WNT2B: variants seen among roughly 807,000 people sequenced by gnomAD.
WNT2B encodes the protein Wnt family member 2B, also known as protein Wnt-2b.
Under a neutral mutation model 40.5 loss-of-function variants are expected in WNT2B, and 19 were observed. The ratio of observed to expected loss-of-function variants is 0.47; its 90% CI spans 0.33 to 0.69. The LOEUF (loss-of-function observed/expected upper bound fraction) is 0.69, where lower values mean the gene tolerates loss of function less well. WNT2B is among the 30% of genes least tolerant of loss of function. The pLI, the probability that WNT2B is intolerant of heterozygous loss-of-function variation, is 0.02. For synonymous variants in WNT2B, 220 were observed against 211.9 expected (o/e 1.04, Z -0.33); for missense variants, 467 against 556.4 (o/e 0.84, Z 1.62).
chr1:112,504,806 T>A (rs749248055), upstream of WNT2B, among the ~76,000 whole-genome samples: 50 of 151,970 alleles, frequency 3.3e-4, no homozygotes, highest in Non-Finnish European at 4.7e-4. Flanking sequence ...CCTTTCTCTC[T>A]GCTCATTACC....
At chr1:112,507,438 G>C (rs961131178), upstream of WNT2B, among the ~76,000 whole-genome samples, 6 of 152,202 alleles carry the variant, frequency 3.9e-5, no homozygotes, top group African/African-American at 7.2e-5. Context: ...GGGGGTAAAG[G>C]AGTGTCACTG....
rs12401734 is a variant in WNT2B at position 112,529,212 on chromosome 1, T to C, written c.*8703T>C. 0.2 allele frequency: 30,156 copies of C among 152,094 alleles called. 3,374 individuals carry two copies. Among genetic ancestry groups the C allele is most frequent in the Non-Finnish European group, 0.26 (17,790 of 67,982 alleles). The allele number at this position is 152,094 out of a possible 1,614,324, so 9.4% of individuals were successfully genotyped here. ...TGTACACTGAATAAGCCAAAACGTG[T>C]GCCATATTCTAGGTTTCTGCTTTAC... On this transcript the variant is annotated 3_prime_UTR_variant, in exon 5 of 5. Coordinates refer to ENST00000369684, the MANE Select transcript of WNT2B (RefSeq NM_024494.3).
chr1:112,492,208 A>G (rs1376753081), intron 1 of WNT2B, among the ~76,000 whole-genome samples: 1 of 152,264 alleles, frequency 6.6e-6, no homozygotes, highest in Non-Finnish European at 1.5e-5. Context: ...CTTGCAAGTC[A>G]TCGCCCCAGC....
In WNT2B at chr1:112,521,945, T is replaced by G. The variant is rs1652904031; in HGVS notation, c.*1436T>G. On this transcript the variant is annotated 3_prime_UTR_variant, in exon 5 of 5. Transcript: ENST00000369684. The stretch of plus-strand genomic sequence containing the variant: ...AAAATCACAGCTGTGCCATTTGCTT[T>G]GATATTTTGAGCAAGGTAGCTAAAT... 2 of 152,364 alleles carry G rather than the reference T, an allele frequency of 1.3e-5. No individual in the cohort carries two copies. The highest frequency in any genetic ancestry group is 4.8e-5 in the African/African-American group (2 of 41,590). 9.4% of individuals were successfully genotyped at this position (152,364 alleles called of 1,614,324 possible). A position where few individuals can be genotyped will look rare whatever the true frequency, so the allele number is the denominator to read the frequency against.
intron 1 of WNT2B, among the ~76,000 whole-genome samples, chr1:112,501,790 G>A (rs1198779867): frequency 6.6e-6 from 1 of 152,186 alleles, no homozygotes; most frequent in Non-Finnish European, 1.5e-5. Context: ...TGGCTGACCC[G>A]AATCCCCGGT....
At chr1:112,504,784 G>T (rs1652063144), upstream of WNT2B, among the ~76,000 whole-genome samples, 2 of 151,986 alleles carry the variant, frequency 1.3e-5, no homozygotes, top group Non-Finnish European at 2.9e-5. Context: ...CCTCCCCCCA[G>T]CCCCTTCTTG....
Position 112,496,200 on chromosome 1 carries a change from G to C in WNT2B, c.-94-18674G>C, listed in dbSNP as rs535469202. Among the ~76,000 whole-genome samples, 10 of 152,060 alleles carry C rather than the reference G, an allele frequency of 6.6e-5. No homozygotes were observed. The East Asian group carries it at 1.3e-3, about 20-fold the overall frequency. ...GTAATCATAGCTCACTGCAAGCCTC[G>C]ACCTCCTGGGCTCAAGGAATCATCC... is the stretch of plus-strand genomic sequence containing the variant. On this transcript the variant is annotated intron_variant, in intron 1 of 4. Coordinates refer to the WNT2B transcript ENST00000256640.
At chr1:112,478,058 A>G (rs1340686333) in intron 1 of WNT2B, among the ~76,000 whole-genome samples, 2 of 152,162 alleles carry the variant, frequency 1.3e-5, no homozygotes, top group Non-Finnish European at 2.9e-5. Context: ...ACATAGTGAG[A>G]CCTGGTCTGT....
Position 112,523,013 on chromosome 1 carries a change from G to A in WNT2B, c.*2504G>A, listed in dbSNP as rs1652962742. 1 of 152,234 alleles carries A rather than the reference G, an allele frequency of 6.6e-6. No homozygotes were observed. The highest frequency in any genetic ancestry group is 1.5e-5 in the Non-Finnish European group (1 of 68,068). The allele number at this position is 152,234 out of a possible 1,614,324, so 9.4% of individuals were successfully genotyped here. On this transcript the variant is annotated 3_prime_UTR_variant, in exon 5 of 5. Transcript: ENST00000369684. ...CTGAATGAATTTACCAAAGGAAGCT[G>A]CCTTATATTATATGCCAGGCTGCTG...
At chr1:112,502,224 T>A (rs1651981331) in intron 1 of WNT2B, among the ~76,000 whole-genome samples, 1 of 152,024 alleles carries the variant, frequency 6.6e-6, no homozygotes, top group Admixed American at 6.5e-5. Context: ...GCCACCGGGC[T>A]CTCCTCTCAG....
chr1:112,469,912 C>T (rs757062987), intron 1 of WNT2B, among the ~76,000 whole-genome samples: 6 of 152,158 alleles, frequency 3.9e-5, no homozygotes, highest in Non-Finnish European at 7.4e-5. Context: ...CCGTACCCGG[C>T]CTATTTATAT....
chr1:112,513,193 G>A (rs1414239131), intron 1 of WNT2B, among the ~76,000 whole-genome samples: 2 of 152,162 alleles, frequency 1.3e-5, no homozygotes, highest in South Asian at 2.1e-4. Flanking sequence ...GAACGGTGGT[G>A]AGACAGGGAC....
At chr1:112,492,894 T>C (rs1454754804) in intron 1 of WNT2B, among the ~76,000 whole-genome samples, 1 of 152,196 alleles carries the variant, frequency 6.6e-6, no homozygotes, top group Non-Finnish European at 1.5e-5. Context: ...CATAGAACTA[T>C]AGAATGCTTC....
At chr1:112,467,839 G>T (rs773128612) in intron 1 of WNT2B, among the ~76,000 whole-genome samples, 5 of 152,066 alleles carry the variant, frequency 3.3e-5, no homozygotes, top group Non-Finnish European at 7.4e-5. Flanking sequence ...TAGTTACTTT[G>T]AAACATACAA....
intron 3 of WNT2B, 79 bp from the exon 4 acceptor site, chr1:112,517,042 T>G: frequency 6.5e-7 from 1 of 1,544,918 alleles, no homozygotes; most frequent in Non-Finnish European, 8.8e-7. Flanking sequence ...CTCAGAGCAC[T>G]CATCCTTTTG....
At chr1:112,492,617 GTTC>G (rs1446107763) in intron 1 of WNT2B, among the ~76,000 whole-genome samples, 1 of 152,148 alleles carries the variant, frequency 6.6e-6, no homozygotes, top group African/African-American at 2.4e-5. Context: ...TAAGCATTCT[GTTC>G]TTCTTAACAA....
chr1:112,485,993 T>C (rs1323051554), intron 1 of WNT2B, among the ~76,000 whole-genome samples: 2 of 152,248 alleles, frequency 1.3e-5, no homozygotes, highest in Admixed American at 6.5e-5. Flanking sequence ...ATTCCTTCCA[T>C]AAACCCAATT....
intron 1 of WNT2B, among the ~76,000 whole-genome samples, chr1:112,512,229 C>G (rs928067959): frequency 2.6e-5 from 4 of 152,156 alleles, no homozygotes; most frequent in Non-Finnish European, 5.9e-5. Context: ...GGGGATAAAT[C>G]AGAACAGTTA....
chr1:112,514,292 C>T (rs1008152179), intron 1 of WNT2B, among the ~76,000 whole-genome samples: 4 of 152,156 alleles, frequency 2.6e-5, no homozygotes, highest in Admixed American at 6.5e-5. Flanking sequence ...TCTTCCTCCC[C>T]GGACCTCACG....
Sources: gnomAD v4.1 joint callset for allele counts (sites outside exome capture counted in the v4.1 genomes callset) on GRCh38, gnomAD v4.1.1 for gene constraint, MANE v1.5 for transcripts, NCBI Gene and HGNC (gene_info 2026-07-23, HGNC 2026-07-21) for gene names.